STEEP1: variants seen among roughly 807,000 people sequenced by gnomAD.
STEEP1 encodes STING ER exit protein.
Under a neutral mutation model 19.2 loss-of-function variants are expected in STEEP1, and 3 were observed. The ratio of observed to expected loss-of-function variants is 0.16; its 90% CI spans 0.07 to 0.40. The LOEUF is 0.40. Ranked by LOEUF, STEEP1 falls within the 10% of genes least tolerant of loss-of-function variation. The probability of loss-of-function intolerance (pLI) is 0.99; values close to 1 mark genes in which losing one functional copy is unlikely to be tolerated. For synonymous variants in STEEP1, 46 were observed against 63.7 expected (o/e 0.72, Z 1.32); for missense variants, 54 against 177.1 (o/e 0.30, Z 3.94).
intron 2 of STEEP1, among the ~76,000 whole-genome samples, chrX:119,558,033 A>G (rs2147358400): frequency 9.1e-6 from 1 of 110,437 alleles, no homozygotes; most frequent in African/African-American, 3.3e-5. Context: ...CAGCCTCCCG[A>G]GTAGCTGGGA....
At chrX:119,552,239 T>C (rs912962973) in intron 2 of STEEP1, among the ~76,000 whole-genome samples, 7 of 111,123 alleles carry the variant, frequency 6.3e-5, no homozygotes, top group Non-Finnish European at 1.3e-4. Context: ...GGTTTCGCCA[T>C]GTTGGTCAGG....
At chrX:119,549,361 C>T (rs1304526096) in intron 2 of STEEP1, among the ~76,000 whole-genome samples, 1 of 111,239 alleles carries the variant, frequency 9.0e-6, no homozygotes. Context: ...GTCAATTATA[C>T]CTCAATAAAG....
At chrX:119,564,918 T>G (rs1324162852) in intron 1 of STEEP1, among the ~76,000 whole-genome samples, 1 of 111,523 alleles carries the variant, frequency 9.0e-6, no homozygotes, top group Non-Finnish European at 1.9e-5. Context: ...TTATAAAGCT[T>G]CTAGAGGCAG....
intron 6 of STEEP1, among the ~76,000 whole-genome samples, chrX:119,540,037 G>A (rs763328354): frequency 3.6e-5 from 4 of 111,642 alleles, no homozygotes; most frequent in Admixed American, 1.9e-4. Flanking sequence ...GGAAATCAGC[G>A]CAGGGATTCC....
At chrX:119,542,050 CTTTTCTTTTTTTTTTTTTTTTTTTT>C (rs1444522342) in intron 5 of STEEP1, among the ~76,000 whole-genome samples, 6 of 53,787 alleles carry the variant, frequency 1.1e-4, no homozygotes, top group East Asian at 6.3e-4. Flanking sequence ...AGTTTCTTTT[CTTTTCTTTTTTTTTTTTTTTTTTTT>C]TTTTTTTTTT....
chrX:119,559,910 G>A (rs1222657754), intron 2 of STEEP1, among the ~76,000 whole-genome samples: 3 of 111,783 alleles, frequency 2.7e-5, no homozygotes, highest in African/African-American at 9.7e-5. Flanking sequence ...TTAGCTGGGC[G>A]TGGTGGCGCA....
At chrX:119,542,954 C>A (rs947381924) in intron 4 of STEEP1, among the ~76,000 whole-genome samples, 1 of 98,310 alleles carries the variant, frequency 1.0e-5, no homozygotes, top group Non-Finnish European at 2.0e-5. Context: ...GCATATGCCC[C>A]CACGCCTGGC....
intron 1 of STEEP1, among the ~76,000 whole-genome samples, chrX:119,564,706 C>T (rs1310621652): frequency 9.0e-6 from 1 of 111,465 alleles, no homozygotes; most frequent in Non-Finnish European, 1.9e-5. Context: ...GAAGGAAAGC[C>T]TACCTGAAGT....
chrX:119,561,970 C>G (rs2053323245), intron 1 of STEEP1, among the ~76,000 whole-genome samples: 1 of 112,835 alleles, frequency 8.9e-6, no homozygotes, highest in Non-Finnish European at 1.9e-5. Flanking sequence ...CTAAGTGATT[C>G]AAAAGCACAT....
chrX:119,545,548 T>G, intron 2 of STEEP1, 44 bp from the exon 3 acceptor site: 1 of 944,455 alleles, frequency 1.1e-6, no homozygotes. Context: ...CAAATCTCAT[T>G]ATGTATCAAC....
chrX:119,549,697 C>T (rs1233265246), intron 2 of STEEP1, among the ~76,000 whole-genome samples: 1 of 112,220 alleles, frequency 8.9e-6, no homozygotes, highest in Non-Finnish European at 1.9e-5. Flanking sequence ...TGCATCATAA[C>T]ACGGCAGAAG....
chrX:119,560,256 T>A lies in STEEP1; in HGVS notation c.242+12A>T. 3 of 1,131,109 alleles carry A rather than the reference T, an allele frequency of 2.7e-6. No individual in the cohort carries two copies. The highest frequency in any genetic ancestry group is 3.6e-6 in the Non-Finnish European group (3 of 822,431). 93.2% of individuals were successfully genotyped at this position (1,131,109 alleles called of 1,213,427 possible). A position where few individuals can be genotyped will look rare whatever the true frequency, so the allele number is the denominator to read the frequency against. On this transcript the variant is annotated intron_variant, in intron 2 of 6. Transcript: ENST00000644802. ...ATAGGGAAATCCTAAACAGGGAGCA[T>A]CAACCTCTTACCTCCGCAGATACAT...
At chrX:119,542,050 CTTTTCTTTTT>C (rs2053165272) in intron 5 of STEEP1, among the ~76,000 whole-genome samples, 2 of 53,798 alleles carry the variant, frequency 3.7e-5, no homozygotes, top group African/African-American at 6.5e-5. Context: ...AGTTTCTTTT[CTTTTCTTTTT>C]TTTTTTTTTT....
chrX:119,555,138 TTACA>T (rs1414489234), intron 2 of STEEP1, among the ~76,000 whole-genome samples: 12 of 109,738 alleles, frequency 1.1e-4, no homozygotes, highest in African/African-American at 4.0e-4. Flanking sequence ...AGATGACTGT[TTACA>T]TAGTCATCTT....
At position 119,545,491 on chromosome X, in the gene STEEP1, C is replaced by A; in HGVS notation, c.256G>T (p.Glu86Ter). 8.5e-7 allele frequency: 1 copy of A among 1,181,418 alleles called. No individual in the cohort carries two copies. The part of the protein sequence containing the change: ...TMYLRRPEGI[E>*]RQYRKKCAKC... The stretch of plus-strand genomic sequence containing the variant: ...GCACATTTCTTCCTGTACTGTCGTT[C>A]AATGCCTTCAGGTCTGCACAGAAAA... The change falls in exon 3 of 7, where the codon GAA becomes TAA. Residue 86 changes from glutamate to a stop codon, truncating the protein, a stop_gained. Transcript: ENST00000644802. LOFTEE classifies it high-confidence loss of function.
intron 2 of STEEP1, among the ~76,000 whole-genome samples, chrX:119,553,101 C>T (rs937151793): frequency 9.6e-6 from 1 of 103,677 alleles, no homozygotes; most frequent in Non-Finnish European, 2.0e-5. Context: ...TTACAGTGAA[C>T]GGAGATCGCG....
chrX:119,549,582 A>G (rs2053230543), intron 2 of STEEP1, among the ~76,000 whole-genome samples: 2 of 112,091 alleles, frequency 1.8e-5, no homozygotes, highest in South Asian at 7.3e-4. Flanking sequence ...GTAACATAAT[A>G]CCACAGACTG....
intron 1 of STEEP1, among the ~76,000 whole-genome samples, chrX:119,563,349 G>T (rs1252607597): frequency 6.4e-5 from 7 of 109,928 alleles, no homozygotes; most frequent in African/African-American, 2.3e-4. Flanking sequence ...AGGAGTTCAA[G>T]ACCAGTCTGG....
chrX:119,555,676 CTAAG>C (rs78743171), intron 2 of STEEP1, among the ~76,000 whole-genome samples: 4,888 of 110,236 alleles, frequency 0.044, 93 homozygotes, highest in South Asian at 0.092. Flanking sequence ...CTTCAGTAGT[CTAAG>C]TAAGTGATTT....
Sources: gnomAD v4.1 joint callset for allele counts (sites outside exome capture counted in the v4.1 genomes callset) on GRCh38, gnomAD v4.1.1 for gene constraint, MANE v1.5 for transcripts, NCBI Gene and HGNC (gene_info 2026-07-23, HGNC 2026-07-21) for gene names.